SP4: variants seen among roughly 807,000 people sequenced by gnomAD.
SP4 encodes the protein Sp4 transcription factor.
SP4 carries 19 observed loss-of-function variants against 72.8 expected under a neutral mutation model. The observed-to-expected ratio is 0.26, with a 90% confidence interval of 0.18 to 0.38. The LOEUF is 0.38. Among genes scored for constraint, SP4 ranks in the 10% least tolerant of loss-of-function variants. SP4 has a pLI of 1.00. For synonymous variants in SP4, 395 were observed against 333.1 expected, an observed-to-expected ratio of 1.19 and a Z score of -2.02; for missense variants, 1,008 against 926.3, an observed-to-expected ratio of 1.09 and a Z score of -1.14.
intron 3 of SP4, among the ~76,000 whole-genome samples, chr7:21,437,058 A>T (rs1783073706): frequency 6.6e-6 from 1 of 152,200 alleles, no homozygotes; most frequent in South Asian, 2.1e-4. Context: ...GAACTTTCAG[A>T]TTCAGTTTCA....
chr7:21,435,192 T>C (rs889561634), intron 3 of SP4, among the ~76,000 whole-genome samples: 3 of 152,246 alleles, frequency 2.0e-5, no homozygotes, highest in African/African-American at 7.2e-5. Flanking sequence ...AATATTTCTT[T>C]GTCAATTTTA....
At position 21,430,847 on chromosome 7, in the gene SP4, A is replaced by G; in HGVS notation, c.1678+4A>G. On this transcript the variant is annotated splice_donor_region_variant and intron_variant, in intron 3 of 5. Coordinates refer to ENST00000222584, the MANE Select transcript of SP4 (RefSeq NM_003112.5). ...GTTACAATCACTAGTGTTGCAGGTA[A>G]GTTCTGACATCTTTTTAAGTACCTT... 3 of 1,582,074 alleles carry G rather than the reference A, an allele frequency of 1.9e-6. No individual in the cohort carries two copies. The highest frequency in any genetic ancestry group is 2.6e-6 in the Non-Finnish European group (3 of 1,160,184).
At chr7:21,480,293 C>A (rs988605950) in intron 4 of SP4, among the ~76,000 whole-genome samples, 1 of 152,018 alleles carries the variant, frequency 6.6e-6, no homozygotes, top group Non-Finnish European at 1.5e-5. Context: ...GAAAGTATTC[C>A]CTCCAAACTG....
intron 1 of SP4, among the ~76,000 whole-genome samples, 186 bp downstream of exon 1, chr7:21,428,444 A>C (rs371866426): frequency 6.6e-6 from 1 of 151,362 alleles, no homozygotes; most frequent in East Asian, 2.0e-4. Flanking sequence ...AGAGAGAACA[A>C]CCTCCTTCTG....
chr7:21,441,344 G>T (rs575607433), intron 3 of SP4, among the ~76,000 whole-genome samples: 1 of 152,316 alleles, frequency 6.6e-6, no homozygotes, highest in East Asian at 1.9e-4. Flanking sequence ...AACTAACACA[G>T]GGAATGATGG....
At chr7:21,467,988 T>A (rs1364623268) in intron 3 of SP4, among the ~76,000 whole-genome samples, 3 of 152,142 alleles carry the variant, frequency 2.0e-5, no homozygotes, top group Non-Finnish European at 4.4e-5. Context: ...TATTTATAGG[T>A]AGATAGATAA....
chr7:21,489,361 C>T (rs1784907357), intron 5 of SP4, among the ~76,000 whole-genome samples: 1 of 152,016 alleles, frequency 6.6e-6, no homozygotes. Flanking sequence ...GACCATGTCA[C>T]CCAGGCCAGA....
At position 21,440,950 on chromosome 7, in the gene SP4, C is replaced by A. The variant is rs185559935; in HGVS notation, c.1678+10107C>A. 7.2e-5 allele frequency among the ~76,000 whole-genome samples: 11 copies of A among 152,288 alleles called. No individual in the cohort carries two copies. The East Asian group carries it at 2.1e-3, about 29-fold the overall frequency. ...CTAAATGTCTGCTGTCTGATTAACC[C>A]TTGTTAGGTTCTGAAGATACTAACT... On this transcript the variant is annotated intron_variant, in intron 3 of 5. Transcript: ENST00000222584.
chr7:21,502,509 A>G (rs1781897201), intron 5 of SP4, among the ~76,000 whole-genome samples: 2 of 152,120 alleles, frequency 1.3e-5, no homozygotes, highest in Non-Finnish European at 2.9e-5. Context: ...TAGAGCCAAC[A>G]TGCAACACAT....
chr7:21,458,573 T>C (rs1005083906), intron 3 of SP4, among the ~76,000 whole-genome samples: 26 of 152,240 alleles, frequency 1.7e-4, no homozygotes, highest in Non-Finnish European at 2.9e-4. Flanking sequence ...TGTTCTCATC[T>C]CTTCTCCCTT....
intron 3 of SP4, among the ~76,000 whole-genome samples, chr7:21,460,742 G>A (rs576926691): frequency 3.3e-5 from 5 of 152,210 alleles, no homozygotes; most frequent in East Asian, 3.9e-4. Flanking sequence ...AGTTCTCCAC[G>A]TCACCACTAG....
At chr7:21,483,726 A>G (rs552884668) in intron 5 of SP4, among the ~76,000 whole-genome samples, 1 of 151,736 alleles carries the variant, frequency 6.6e-6, no homozygotes, top group African/African-American at 2.4e-5. Flanking sequence ...TGCTCTTACT[A>G]TATTAATGAC....
chr7:21,450,600 G>T (rs1436404369), intron 3 of SP4, among the ~76,000 whole-genome samples: 1 of 152,110 alleles, frequency 6.6e-6, no homozygotes, highest in Non-Finnish European at 1.5e-5. Context: ...TGAACAAATT[G>T]TGATATAATT....
intron 5 of SP4, among the ~76,000 whole-genome samples, chr7:21,487,481 G>T (rs1784852370): frequency 7.4e-6 from 1 of 135,774 alleles, no homozygotes; most frequent in South Asian, 2.5e-4. Flanking sequence ...TATTTTCCAT[G>T]AAATTTTTTA....
Position 21,512,055 on chromosome 7 carries a change from C to T in SP4, c.*786C>T, listed in dbSNP as rs1271202145. The T allele has an allele frequency of 6.6e-6, 1 of 152,580 alleles. No homozygotes were observed. Among genetic ancestry groups the T allele is most frequent in the Non-Finnish European group, 1.5e-5 (1 of 68,014 alleles). The allele number at this position is 152,580 out of a possible 1,614,324, so 9.5% of individuals were successfully genotyped here. A position where few individuals can be genotyped will look rare whatever the true frequency, so the allele number is the denominator to read the frequency against. ...AGAAAAATAAAATGAGGCATCTTAA[C>T]ATGCAATGTTCTAAAGTTAGGATTG... On this transcript the variant is annotated 3_prime_UTR_variant, in exon 6 of 6. Transcript: ENST00000222584.
intron 5 of SP4, among the ~76,000 whole-genome samples, chr7:21,483,285 G>A (rs1446965367): frequency 6.6e-6 from 1 of 151,496 alleles, no homozygotes; most frequent in African/African-American, 2.4e-5. Context: ...TTATTTATAT[G>A]ATTTATATGT....
At chr7:21,474,033 C>G (rs1784421710) in intron 3 of SP4, among the ~76,000 whole-genome samples, 1 of 152,150 alleles carries the variant, frequency 6.6e-6, no homozygotes, top group African/African-American at 2.4e-5. Flanking sequence ...TAATTTGCCT[C>G]TGTTATTCAT....
In SP4 at chr7:21,430,270, G is replaced by A. The variant is rs1488615665; in HGVS notation, c.1105G>A (p.Glu369Lys). Residue 369 changes from glutamate (E) to lysine (K), a missense_variant, in exon 3 of 6, where the codon GAG becomes AAG. Coordinates refer to ENST00000222584, the MANE Select transcript of SP4 (RefSeq NM_003112.5). ...AGAATCTCAAACACCTGCTGCTACT[G>A]AGTCTGAAGCCCAGAGCTCCAGTCA... Reference protein sequence around the residue: ...IEESQTPAATESEAQSSSQLQ... With the variant: ...IEESQTPAATKSEAQSSSQLQ... The A allele has an allele frequency of 6.2e-7, 1 of 1,614,236 alleles. No individual in the cohort carries two copies. The highest frequency in any genetic ancestry group is 8.5e-7 in the Non-Finnish European group (1 of 1,180,050).
intron 5 of SP4, among the ~76,000 whole-genome samples, chr7:21,488,615 C>T (rs930932102): frequency 3.3e-5 from 5 of 151,648 alleles, no homozygotes; most frequent in African/African-American, 1.2e-4. Context: ...TTACATTTAG[C>T]CAGGTGCAGT....
Sources: gnomAD v4.1 joint callset for allele counts (sites outside exome capture counted in the v4.1 genomes callset) on GRCh38, gnomAD v4.1.1 for gene constraint, MANE v1.5 for transcripts, NCBI Gene and HGNC (gene_info 2026-07-23, HGNC 2026-07-21) for gene names.